Variants in C1orf87 observed in about 807,000 individuals in gnomAD.
The protein encoded by C1orf87 is uncharacterized protein C1orf87.
C1orf87 carries 58 observed loss-of-function variants against 60.5 expected under a neutral mutation model. The ratio of observed to expected loss-of-function variants is 0.96; its 90% confidence interval spans 0.78 to 1.19. C1orf87 has a LOEUF of 1.19. C1orf87 is among the 50% of genes most tolerant of loss of function. The pLI is 0.00. For missense variants in C1orf87, 673 were observed against 638.6 expected (o/e 1.05, Z -0.58); for synonymous variants, 236 against 227.4 (o/e 1.04, Z -0.34).
At chr1:60,032,882 G>A (rs1645248983) in intron 7 of C1orf87, among the ~76,000 whole-genome samples, 1 of 152,206 alleles carries the variant, frequency 6.6e-6, no homozygotes. Context: ...TAGTAAAAGT[G>A]TAGTGATGAT....
At chr1:60,057,664 A>G (rs1645466576) in intron 2 of C1orf87, among the ~76,000 whole-genome samples, 1 of 152,236 alleles carries the variant, frequency 6.6e-6, no homozygotes, top group Non-Finnish European at 1.5e-5. Context: ...GCAAATTAGT[A>G]CATTTGATGA....
intron 8 of C1orf87, among the ~76,000 whole-genome samples, chr1:60,021,406 AC>A (rs1326903478): frequency 1.3e-5 from 2 of 152,186 alleles, no homozygotes; most frequent in Non-Finnish European, 2.9e-5. Context: ...AAATAAAATG[AC>A]TGGGTGCCAT....
chr1:60,071,092 C>G (rs1386418287), intron 2 of C1orf87, among the ~76,000 whole-genome samples: 1 of 152,140 alleles, frequency 6.6e-6, no homozygotes, highest in Non-Finnish European at 1.5e-5. Flanking sequence ...ATCACAGTGT[C>G]TTAGTTTCCT....
intron 8 of C1orf87, among the ~76,000 whole-genome samples, chr1:60,012,683 A>G (rs1205943748): frequency 2.6e-5 from 4 of 152,148 alleles, no homozygotes; most frequent in African/African-American, 9.7e-5. Context: ...AGATTCAGGC[A>G]GACCTGATTT....
At chr1:60,042,953 A>G (rs1040030532) in intron 3 of C1orf87, among the ~76,000 whole-genome samples, 1 of 152,148 alleles carries the variant, frequency 6.6e-6, no homozygotes, top group Non-Finnish European at 1.5e-5. Flanking sequence ...CCGGGTCTGA[A>G]GGGAATGGCA....
At chr1:60,072,808 A>G (rs1645593264) in intron 1 of C1orf87, 138 bp from the exon 2 acceptor site, 1 of 547,918 alleles carries the variant, frequency 1.8e-6, no homozygotes, top group Non-Finnish European at 3.2e-6. Flanking sequence ...CTCCTAACAA[A>G]GGCATGAGAA....
Position 60,029,387 on chromosome 1 carries a change from C to T in C1orf87, c.1030-3889G>A, listed in dbSNP as rs577994920. ...CAATTCTCCAAATTCGATTGGAATG[C>T]TTTTTTTTCCCATTTGAATCTGATC... On this transcript the variant is annotated intron_variant, in intron 7 of 11. Coordinates refer to ENST00000371201, the MANE Select transcript of C1orf87 (RefSeq NM_152377.3). Among the ~76,000 whole-genome samples the T allele has an allele frequency of 9.4e-4, 143 of 151,978 alleles. 1 individual carries two copies. The highest frequency in any genetic ancestry group is 2.7e-3 in the South Asian group (13 of 4,808).
At chr1:60,002,171 T>C (rs1157154990) in intron 9 of C1orf87, among the ~76,000 whole-genome samples, 1 of 152,116 alleles carries the variant, frequency 6.6e-6, no homozygotes, top group Non-Finnish European at 1.5e-5. Flanking sequence ...AATGATTTAA[T>C]CAATACATTT....
chr1:60,057,420 A>G (rs1192354904), intron 2 of C1orf87, among the ~76,000 whole-genome samples: 4 of 152,140 alleles, frequency 2.6e-5, no homozygotes, highest in African/African-American at 9.7e-5. Flanking sequence ...TGGGGTGATG[A>G]TTGATGTGGA....
chr1:60,066,682 C>CTT (rs79196798), intron 2 of C1orf87, among the ~76,000 whole-genome samples: 1 of 147,788 alleles, frequency 6.8e-6, no homozygotes, highest in Non-Finnish European at 1.5e-5. Flanking sequence ...CACAAATGTT[C>CTT]TTTTTTTTTT....
At position 60,033,635 on chromosome 1, in the gene C1orf87, T is replaced by C. The variant is rs1645254965; in HGVS notation, c.870A>G (p.Pro290=). 1.9e-6 allele frequency: 3 copies of C among 1,611,082 alleles called. No homozygotes were observed. In the South Asian group the frequency reaches 3.3e-5, roughly 18 times the overall value. ...CTGGCTGTGAGCTGGAGTGCTGAGG[T>C]GGAGTGCTGATTGTAGGGGAAATGG... is the stretch of plus-strand genomic sequence containing the variant. The part of the protein sequence containing the change: ...ESHGTHSQST[P]PQHSSSQPEV... Residue 290 remains proline, a synonymous_variant, in exon 7 of 12, where the codon CCA becomes CCG. Transcript: ENST00000371201.
intron 9 of C1orf87, among the ~76,000 whole-genome samples, chr1:60,010,080 G>T (rs1188543737): frequency 6.6e-6 from 1 of 150,962 alleles, no homozygotes; most frequent in Non-Finnish European, 1.5e-5. Context: ...TGATCTAAGC[G>T]ACTGTGCACC....
At chr1:60,065,354 G>T (rs2100332901) in intron 2 of C1orf87, among the ~76,000 whole-genome samples, 1 of 151,900 alleles carries the variant, frequency 6.6e-6, no homozygotes. Flanking sequence ...ACGGAGGAAG[G>T]CTGGGCTAGT....
chr1:60,010,001 T>C (rs1645071868), intron 9 of C1orf87, among the ~76,000 whole-genome samples: 1 of 149,764 alleles, frequency 6.7e-6, no homozygotes, highest in Admixed American at 6.8e-5. Context: ...AACATATATA[T>C]ACATCTCACA....
intron 7 of C1orf87, among the ~76,000 whole-genome samples, chr1:60,033,072 C>T (rs1645250513): frequency 6.6e-6 from 1 of 152,174 alleles, no homozygotes; most frequent in Non-Finnish European, 1.5e-5. Flanking sequence ...ATGGTAGCCT[C>T]TATTGGCAGT....
At chr1:59,995,976 C>T (rs1644960699) in intron 11 of C1orf87, among the ~76,000 whole-genome samples, 1 of 152,176 alleles carries the variant, frequency 6.6e-6, no homozygotes, top group African/African-American at 2.4e-5. Context: ...TTGGTTCAGC[C>T]TCTAACACAG....
At chr1:60,025,960 T>A (rs1645195682) in intron 7 of C1orf87, among the ~76,000 whole-genome samples, 1 of 152,234 alleles carries the variant, frequency 6.6e-6, no homozygotes, top group Non-Finnish European at 1.5e-5. Context: ...CTGGAGGGAT[T>A]ATTTCCTTAA....
rs1281241548 is a variant in C1orf87 at position 60,028,139 on chromosome 1, C to A, written c.1030-2641G>T. Among the ~76,000 whole-genome samples the A allele has an allele frequency of 2.6e-5, 4 of 152,234 alleles. No individual in the cohort carries two copies. In the East Asian group the frequency reaches 7.7e-4, roughly 29 times the overall value. ...TGGAGGTTGGCAAAAAAATAAAGTT[C>A]AAGAGTCAGAGATTGGTCACACTAG... On this transcript the variant is annotated intron_variant, in intron 7 of 11. Transcript: ENST00000371201.
intron 3 of C1orf87, among the ~76,000 whole-genome samples, chr1:60,054,377 A>G (rs1328925913): frequency 1.3e-5 from 2 of 152,210 alleles, no homozygotes; most frequent in Non-Finnish European, 2.9e-5. Flanking sequence ...ATCCATAGGC[A>G]TTCATTTTCT....
Sources: gnomAD v4.1 joint callset for allele counts (sites outside exome capture counted in the v4.1 genomes callset) on GRCh38, gnomAD v4.1.1 for gene constraint, MANE v1.5 for transcripts, NCBI Gene and HGNC (gene_info 2026-07-23, HGNC 2026-07-21) for gene names.